The following ARHGAP29 variants were observed in gnomAD, a reference collection of about 807,000 sequenced individuals.
ARHGAP29 encodes Rho GTPase activating protein 29.
Under a neutral mutation model 122.6 loss-of-function variants are expected in ARHGAP29, and 43 were observed. The observed-to-expected ratio is 0.35, with a 90% CI of 0.27 to 0.45. The LOEUF is 0.45. Among genes scored for constraint, ARHGAP29 ranks in the 20% least tolerant of loss-of-function variants. The pLI is 1.00. For synonymous variants in ARHGAP29, 506 were observed against 497.1 expected (o/e 1.02, Z -0.24); for missense variants, 1,303 against 1,477.2 (o/e 0.88, Z 1.93).
In ARHGAP29 at chr1:94,170,718, C is replaced by T. The variant is rs35271394; in HGVS notation, c.*3151G>A. On this transcript the variant is annotated 3_prime_UTR_variant, in exon 23 of 23. Coordinates refer to ENST00000260526, the MANE Select transcript of ARHGAP29 (RefSeq NM_004815.4). The stretch of plus-strand genomic sequence containing the variant: ...ACAAATGTAAATGAACATCTTTACA[C>T]GACTGAGTCTTCTAATTCGTGTACA... Among the ~76,000 whole-genome samples the T allele has an allele frequency of 1.1e-4, 16 of 152,292 alleles. No homozygotes were observed. The highest frequency in any genetic ancestry group is 2.1e-4 in the South Asian group (1 of 4,818).
Position 94,220,366 on chromosome 1 carries a change from G to A in ARHGAP29, c.232C>T (p.Arg78Cys), listed in dbSNP as rs1212156200. The change falls in exon 3 of 23, where the codon CGT becomes TGT. Residue 78 changes from arginine (R) to cysteine (C), a missense_variant. Physicochemically the swap from Arg to Cys is radical, Grantham distance 180. Around this residue, in one of 3 missense-constraint regions of ARHGAP29, gnomAD observed 592 missense variants for 648.2 expected, o/e 0.91. Transcript: ENST00000260526. The part of the protein sequence containing the change: ...SDCFKEVIHI[R>C]LEELLRVLKS... Reference sequence around the variant, plus strand: ...AAAACACGGAGCAGTTCCTCTAGACGTATATGAATAACTTCTTTAAAACAG... The same window carrying A: ...AAAACACGGAGCAGTTCCTCTAGACATATATGAATAACTTCTTTAAAACAG... 5 of 1,604,208 alleles carry A rather than the reference G, an allele frequency of 3.1e-6. No homozygotes were observed. The highest frequency in any genetic ancestry group is 1.3e-5 in the African/African-American group (1 of 74,460).
chr1:94,278,185 G>A (rs183459328), upstream of ARHGAP29, among the ~76,000 whole-genome samples: 1,291 of 152,190 alleles, frequency 8.5e-3, 7 homozygotes, highest in Non-Finnish European at 0.014. Context: ...TAAGTGTGGT[G>A]GCACACAGTT....
At chr1:94,265,514 C>A (rs1331704155) in intron 1 of ARHGAP29, among the ~76,000 whole-genome samples, 1 of 152,176 alleles carries the variant, frequency 6.6e-6, no homozygotes, top group African/African-American at 2.4e-5. Context: ...CAGGGACATA[C>A]CTTGGGAAGG....
chr1:94,192,908 C>T (rs1267668662), intron 12 of ARHGAP29: 1 of 152,030 alleles, frequency 6.6e-6, no homozygotes, highest in Non-Finnish European at 1.5e-5. Context: ...TTCAAAATTA[C>T]TTGTCATACA....
In ARHGAP29 at chr1:94,172,766, G is replaced by C. The variant is rs1324470351; in HGVS notation, c.*1103C>G. On this transcript the variant is annotated 3_prime_UTR_variant, in exon 23 of 23. Transcript: ENST00000260526. ...ATAAAACCCAGAAAATAACAGGAAT[G>C]TACTAGTCCTAAAAACTGGACCTTT... The C allele has an allele frequency of 1.3e-5, 2 of 152,366 alleles. No individual in the cohort carries two copies. The highest frequency in any genetic ancestry group is 4.8e-5 in the African/African-American group (2 of 41,384). The allele number at this position is 152,366 out of a possible 1,614,324, so 9.4% of individuals were successfully genotyped here. A position where few individuals can be genotyped will look rare whatever the true frequency, so the allele number is the denominator to read the frequency against.
chr1:94,265,929 G>A (rs930964792), intron 1 of ARHGAP29, among the ~76,000 whole-genome samples: 1 of 152,182 alleles, frequency 6.6e-6, no homozygotes. Flanking sequence ...AAATCCATGA[G>A]TGTCTGGTGC....
intron 3 of ARHGAP29, among the ~76,000 whole-genome samples, chr1:94,209,803 A>C (rs1651469917): frequency 3.2e-5 from 1 of 31,012 alleles, no homozygotes; most frequent in South Asian, 2.9e-3. Flanking sequence ...CAATAATTAA[A>C]GTCATATATA....
chr1:94,309,755 G>C, the ARHGAP29 span, among the ~76,000 whole-genome samples: 1 of 152,170 alleles, frequency 6.6e-6, no homozygotes, highest in Non-Finnish European at 1.5e-5. Context: ...GAAGACATGA[G>C]AGTCAATTCC....
the ARHGAP29 span, among the ~76,000 whole-genome samples, chr1:94,304,296 C>T: frequency 1.4e-4 from 22 of 152,336 alleles, no homozygotes; most frequent in Admixed American, 2.0e-4. Flanking sequence ...TGTATTACCA[C>T]GTCCTGCTAA....
chr1:94,299,382 A>G, the ARHGAP29 span, among the ~76,000 whole-genome samples: 1 of 152,288 alleles, frequency 6.6e-6, no homozygotes, highest in South Asian at 2.1e-4. Flanking sequence ...GCTTTTTGGA[A>G]TTTGTTCCCT....
chr1:94,255,451 T>A (rs146128320), intron 1 of ARHGAP29, among the ~76,000 whole-genome samples: 301 of 152,350 alleles, frequency 2.0e-3, no homozygotes, highest in African/African-American at 7.0e-3. Flanking sequence ...AAGGCAACAC[T>A]ATTTAAATGA....
chr1:94,235,919 C>CA (rs2101625990), intron 1 of ARHGAP29, among the ~76,000 whole-genome samples: 2 of 152,292 alleles, frequency 1.3e-5, no homozygotes, highest in South Asian at 4.1e-4. Flanking sequence ...CACATTACGG[C>CA]AGTAGTTTCA....
rs1162055095 is a variant in ARHGAP29, at chr1:94,174,324, G to A, written c.3331C>T (p.Leu1111Phe). The A allele has an allele frequency of 1.2e-6, 2 of 1,614,150 alleles. No homozygotes were observed. Among genetic ancestry groups the A allele is most frequent in the Admixed American group, 3.3e-5 (2 of 60,020 alleles). Residue 1111 changes from leucine (L) to phenylalanine (F), a missense_variant, in exon 23 of 23, where the codon CTC (leucine) becomes TTC (phenylalanine). This residue lies in a region of ARHGAP29 where 620 missense variants were observed against 651.2 expected (regional missense o/e 0.95). Coordinates refer to ENST00000260526, the MANE Select transcript of ARHGAP29 (RefSeq NM_004815.4). ...ALQEKGVTTS[L>F]QISGDHSINA... Reference sequence around the variant, plus strand: ...ATAGAATGGTCCCCACTAATCTGGAGGCTTGTTGTCACTCCTTTTTCCTGG... The same window carrying A: ...ATAGAATGGTCCCCACTAATCTGGAAGCTTGTTGTCACTCCTTTTTCCTGG...
chr1:94,214,093 C>G (rs1221684467), intron 3 of ARHGAP29, among the ~76,000 whole-genome samples: 2 of 152,142 alleles, frequency 1.3e-5, no homozygotes, highest in African/African-American at 4.8e-5. Flanking sequence ...AGAGTTTCAG[C>G]CCTGAGTTCA....
chr1:94,278,515 A>G (rs945643099), upstream of ARHGAP29, among the ~76,000 whole-genome samples: 1 of 152,208 alleles, frequency 6.6e-6, no homozygotes, highest in African/African-American at 2.4e-5. Flanking sequence ...AGAGATACTC[A>G]GTGATTTTAC....
In ARHGAP29 at chr1:94,272,755, C is replaced by T. The variant is rs576378858; in HGVS notation, c.-33+2257G>A. Among the ~76,000 whole-genome samples, 165 of 152,268 alleles carry T rather than the reference C, an allele frequency of 1.1e-3. 1 individual carries two copies. Among genetic ancestry groups the T allele is most frequent in the Non-Finnish European group, 1.7e-3 (118 of 68,022 alleles). On this transcript the variant is annotated intron_variant and NMD_transcript_variant, in intron 1 of 25. Coordinates refer to the ARHGAP29 transcript ENST00000552844. ...ACGGAGGTCAGACCTGCATCACAGT[C>T]TGAAGGCTCTTCCCACCTATACCTG...
chr1:94,293,417 C>T, the ARHGAP29 span, among the ~76,000 whole-genome samples: 18 of 152,308 alleles, frequency 1.2e-4, no homozygotes, highest in African/African-American at 3.8e-4. Context: ...AAGGGAAATC[C>T]CCCGACCCTT....
chr1:94,211,079 G>C (rs1473443354), intron 3 of ARHGAP29, among the ~76,000 whole-genome samples: 1 of 151,856 alleles, frequency 6.6e-6, no homozygotes, highest in African/African-American at 2.4e-5. Context: ...GAGCTCAGAA[G>C]TTCAAGACCA....
chr1:94,262,772 G>A (rs1481354235), intron 1 of ARHGAP29, among the ~76,000 whole-genome samples: 1 of 152,190 alleles, frequency 6.6e-6, no homozygotes, highest in Non-Finnish European at 1.5e-5. Context: ...CAAGGTTGCG[G>A]AGAAAAAGAA....
Sources: gnomAD v4.1 joint callset for allele counts (sites outside exome capture counted in the v4.1 genomes callset) on GRCh38, gnomAD v4.1.1 for gene constraint, gnomAD v4.1.1 regional missense constraint, MANE v1.5 for transcripts, NCBI Gene and HGNC (gene_info 2026-07-23, HGNC 2026-07-21) for gene names.